The following MALRD1 variants were observed in gnomAD, a reference collection of about 807,000 sequenced individuals.
MALRD1 encodes MAM and LDL-receptor class A domain-containing protein 1.
MALRD1 carries 247 observed loss-of-function variants against 242.1 expected under a neutral mutation model. That is an observed-to-expected ratio of 1.02 (90% CI 0.92 to 1.13). The LOEUF is 1.13. Ranked by LOEUF, MALRD1 falls within the 50% of genes most tolerant of loss-of-function variation. The probability of loss-of-function intolerance (pLI) is 0.00; values close to 1 mark genes in which losing one functional copy is unlikely to be tolerated. For missense variants in MALRD1, 2,989 were observed against 2,533.1 expected (o/e 1.18, Z -3.86); for synonymous variants, 995 against 866.6 (o/e 1.15, Z -2.60).
chr10:19,315,980 C>A (rs951937726), intron 21 of MALRD1, among the ~76,000 whole-genome samples: 8 of 150,174 alleles, frequency 5.3e-5, no homozygotes, highest in African/African-American at 2.0e-4. Context: ...TCCACATATA[C>A]CCATTTCATG....
At chr10:19,380,010 T>C (rs1372164747) in intron 26 of MALRD1, among the ~76,000 whole-genome samples, 1 of 149,120 alleles carries the variant, frequency 6.7e-6, no homozygotes, top group Non-Finnish European at 1.5e-5. Flanking sequence ...AGTGTCACTC[T>C]ATCACCCAGG....
intron 33 of MALRD1, among the ~76,000 whole-genome samples, chr10:19,584,109 C>G (rs199983387): frequency 0.063 from 9,427 of 149,544 alleles, 342 homozygotes; most frequent in African/African-American, 0.097. Flanking sequence ...TTTGATTCTT[C>G]TCTCTTTTTT....
chr10:19,405,094 C>A (rs945899328), intron 28 of MALRD1, among the ~76,000 whole-genome samples: 4 of 152,062 alleles, frequency 2.6e-5, no homozygotes, highest in Non-Finnish European at 5.9e-5. Context: ...AGAAATGAGG[C>A]ATTGAAATGA....
chr10:19,299,237 C>T (rs972145602), intron 21 of MALRD1, among the ~76,000 whole-genome samples: 1 of 151,748 alleles, frequency 6.6e-6, no homozygotes, highest in Non-Finnish European at 1.5e-5. Context: ...GTATAAAAAG[C>T]AGTATAAGGG....
chr10:19,468,104 A>C (rs1258737273), intron 29 of MALRD1, among the ~76,000 whole-genome samples: 2 of 37,576 alleles, frequency 5.3e-5, no homozygotes, highest in African/African-American at 2.9e-4. Context: ...TAGATACTTT[A>C]AAACAAAAAA....
chr10:19,209,715 A>C (rs1376867580), intron 18 of MALRD1, 35 bp downstream of exon 18: 1 of 1,468,424 alleles, frequency 6.8e-7, no homozygotes, highest in Non-Finnish European at 9.1e-7. Context: ...TACATTTGAA[A>C]TGCATCTGAA....
At chr10:19,349,686 T>C (rs1442627483) in intron 25 of MALRD1, among the ~76,000 whole-genome samples, 1 of 152,202 alleles carries the variant, frequency 6.6e-6, no homozygotes, top group Non-Finnish European at 1.5e-5. Context: ...CTATGTTGGG[T>C]ATATATCTAT....
At chr10:19,405,073 TAATC>T (rs1382004590) in intron 28 of MALRD1, among the ~76,000 whole-genome samples, 1 of 152,122 alleles carries the variant, frequency 6.6e-6, no homozygotes, top group Non-Finnish European at 1.5e-5. Flanking sequence ...TTTGTGAAAA[TAATC>T]AAACTTAGAA....
intron 36 of MALRD1, among the ~76,000 whole-genome samples, chr10:19,642,583 A>G (rs1300143742): frequency 2.0e-5 from 3 of 152,218 alleles, no homozygotes; most frequent in Non-Finnish European, 4.4e-5. Context: ...TACAGTAACT[A>G]TATCTACCAT....
chr10:19,407,978 C>G (rs1257447357), intron 28 of MALRD1, among the ~76,000 whole-genome samples: 2 of 152,146 alleles, frequency 1.3e-5, no homozygotes, highest in African/African-American at 4.8e-5. Flanking sequence ...TGGATTCAGT[C>G]TAGGTTCCCT....
At chr10:19,186,455 C>T (rs1339888914) in intron 14 of MALRD1, among the ~76,000 whole-genome samples, 4 of 152,108 alleles carry the variant, frequency 2.6e-5, no homozygotes, top group Non-Finnish European at 1.5e-5. Context: ...TGATAAATAA[C>T]CCATGCTATT....
chr10:19,235,045 A>G (rs1051480894), intron 18 of MALRD1, among the ~76,000 whole-genome samples: 5 of 152,210 alleles, frequency 3.3e-5, no homozygotes, highest in Non-Finnish European at 5.9e-5. Flanking sequence ...AGCGTGAGTC[A>G]GAGAGGGCTA....
intron 23 of MALRD1, among the ~76,000 whole-genome samples, chr10:19,327,915 A>T (rs140580165): frequency 8.5e-4 from 129 of 152,002 alleles, no homozygotes; most frequent in African/African-American, 3.1e-3. Context: ...TTGAATAAAA[A>T]CCCTCCTTCA....
At chr10:19,623,188 A>G (rs1839482730) in intron 36 of MALRD1, among the ~76,000 whole-genome samples, 1 of 152,100 alleles carries the variant, frequency 6.6e-6, no homozygotes, top group South Asian at 2.1e-4. Context: ...TTAATGACAA[A>G]AAATACCACC....
intron 26 of MALRD1, among the ~76,000 whole-genome samples, chr10:19,368,048 C>T (rs1845181630): frequency 6.6e-6 from 1 of 152,052 alleles, no homozygotes; most frequent in Non-Finnish European, 1.5e-5. Flanking sequence ...ATTTTCAATT[C>T]AACAGGCTGT....
At chr10:19,285,868 A>AT (rs1440735852) in intron 21 of MALRD1, among the ~76,000 whole-genome samples, 1 of 97,442 alleles carries the variant, frequency 1.0e-5, no homozygotes, top group African/African-American at 4.3e-5. Flanking sequence ...CACAATATTG[A>AT]TTCTTCCTAC....
At chr10:19,085,692 CAT>C (rs745652899) in intron 2 of MALRD1, among the ~76,000 whole-genome samples, 21 of 151,956 alleles carry the variant, frequency 1.4e-4, no homozygotes, top group African/African-American at 3.4e-4. Flanking sequence ...ATAATTTACT[CAT>C]GTGTGAGTTG....
At chr10:19,458,926 T>A (rs1259057190) in intron 29 of MALRD1, among the ~76,000 whole-genome samples, 1 of 151,960 alleles carries the variant, frequency 6.6e-6, no homozygotes. Flanking sequence ...ATATATATAG[T>A]ATTTTTTAAG....
chr10:19,242,125 C>T (rs1469529787), intron 18 of MALRD1, among the ~76,000 whole-genome samples: 2 of 152,146 alleles, frequency 1.3e-5, no homozygotes, highest in Admixed American at 6.6e-5. Flanking sequence ...TTAGTGGACT[C>T]ATAGTTCCAC....
Sources: gnomAD v4.1 joint callset for allele counts (sites outside exome capture counted in the v4.1 genomes callset) on GRCh38, gnomAD v4.1.1 for gene constraint, MANE v1.5 for transcripts, NCBI Gene and HGNC (gene_info 2026-07-23, HGNC 2026-07-21) for gene names.